The following TLN2 variants were observed in gnomAD, a reference collection of about 807,000 sequenced individuals.
TLN2 encodes the protein talin 2, also known as talin-2.
Under a neutral mutation model 294.7 loss-of-function variants are expected in TLN2, and 118 were observed. The observed-to-expected ratio is 0.40, with a 90% CI of 0.34 to 0.47. The LOEUF (loss-of-function observed/expected upper bound fraction) is 0.47, where lower values mean the gene tolerates loss of function less well. TLN2 is among the 20% of genes least tolerant of loss of function. The pLI, the probability that TLN2 is intolerant of heterozygous loss-of-function variation, is 0.84. For missense variants in TLN2, 3,083 were observed against 3,282.2 expected (o/e 0.94, Z 1.48); for synonymous variants, 1,431 against 1,304.5 (o/e 1.10, Z -2.09).
At chr15:62,788,080 A>G (rs1448271004) in intron 45 of TLN2, among the ~76,000 whole-genome samples, 1 of 149,636 alleles carries the variant, frequency 6.7e-6, no homozygotes, top group Non-Finnish European at 1.5e-5. Flanking sequence ...GGAGGCCGAG[A>G]TGAGTGGATC....
chr15:62,427,405 C>T (rs1372649042), intron 1 of TLN2, among the ~76,000 whole-genome samples: 1 of 152,002 alleles, frequency 6.6e-6, no homozygotes, highest in Non-Finnish European at 1.5e-5. Context: ...TGGTCTAGTC[C>T]CTATTCTGAG....
At chr15:62,538,055 C>T (rs924337411) in intron 1 of TLN2, among the ~76,000 whole-genome samples, 4 of 152,104 alleles carry the variant, frequency 2.6e-5, no homozygotes, top group African/African-American at 7.2e-5. Flanking sequence ...AACCCCATCT[C>T]TACTAAAAAT....
At chr15:62,767,343 TCTTTG>T (rs869178863) in intron 41 of TLN2, among the ~76,000 whole-genome samples, 5 of 66,524 alleles carry the variant, frequency 7.5e-5, no homozygotes, top group African/African-American at 2.4e-4. Flanking sequence ...TCTTTTCTTT[TCTTTG>T]TTTTTTTTTT....
chr15:62,759,550 A>G (rs1184398801), intron 37 of TLN2, among the ~76,000 whole-genome samples: 1 of 152,244 alleles, frequency 6.6e-6, no homozygotes, highest in African/African-American at 2.4e-5. Flanking sequence ...TTTAGTCTGA[A>G]GAAGTTCAGC....
intron 35 of TLN2, 51 bp downstream of exon 35, chr15:62,752,478 G>C: frequency 6.3e-7 from 1 of 1,595,876 alleles, no homozygotes; most frequent in East Asian, 2.3e-5. Flanking sequence ...GATCCCTGTG[G>C]GAGGTGTGGG....
chr15:62,397,542 G>T (rs967821762), intron 1 of TLN2, among the ~76,000 whole-genome samples: 4 of 152,118 alleles, frequency 2.6e-5, no homozygotes, highest in African/African-American at 9.7e-5. Context: ...GGGATTACAG[G>T]TGTGAGCCAC....
intron 1 of TLN2, among the ~76,000 whole-genome samples, chr15:62,500,919 C>G (rs2039271192): frequency 6.6e-6 from 1 of 152,234 alleles, no homozygotes; most frequent in Non-Finnish European, 1.5e-5. Flanking sequence ...CAGGCCCCAC[C>G]ACAGTCCCTG....
At chr15:62,605,121 G>C (rs2047324906) in intron 2 of TLN2, among the ~76,000 whole-genome samples, 1 of 152,194 alleles carries the variant, frequency 6.6e-6, no homozygotes, top group Non-Finnish European at 1.5e-5. Context: ...AAATGTCACT[G>C]CAGATTAATG....
At chr15:62,526,009 A>G (rs747080017) in intron 1 of TLN2, among the ~76,000 whole-genome samples, 1 of 152,196 alleles carries the variant, frequency 6.6e-6, no homozygotes, top group Non-Finnish European at 1.5e-5. Context: ...TGGGGCAGGA[A>G]GGGTGGCTTG....
intron 11 of TLN2, among the ~76,000 whole-genome samples, chr15:62,676,033 T>C (rs1400533117): frequency 6.6e-6 from 1 of 152,166 alleles, no homozygotes; most frequent in Non-Finnish European, 1.5e-5. Flanking sequence ...TGGAGAAAGC[T>C]CTAACTTATA....
In TLN2 at chr15:62,749,321, A is replaced by G. The variant is rs554348048; in HGVS notation, c.4119+877A>G. ...CGAAGCATTCTGAAAACAGTTGAGA[A>G]TGTTTCTTACATTGGCTGAATTACT... On this transcript the variant is annotated intron_variant, in intron 33 of 58. Transcript: ENST00000636159. Among the ~76,000 whole-genome samples the G allele has an allele frequency of 2.1e-3, 327 of 152,294 alleles. 1 individual carries two copies. The highest frequency in any genetic ancestry group is 2.8e-3 in the Non-Finnish European group (193 of 68,020).
At chr15:62,714,808 A>G (rs1482417842) in intron 22 of TLN2, among the ~76,000 whole-genome samples, 4 of 152,198 alleles carry the variant, frequency 2.6e-5, no homozygotes, top group African/African-American at 9.7e-5. Context: ...TCAGGCCAAA[A>G]TTAGTACCCC....
intron 46 of TLN2, 133 bp downstream of exon 46, chr15:62,792,920 C>G (rs996952984): frequency 1.4e-6 from 2 of 1,397,552 alleles, no homozygotes. Flanking sequence ...CCCGATCTTC[C>G]CCACTGCCCA....
At chr15:62,588,798 T>A (rs190312787) in intron 1 of TLN2, among the ~76,000 whole-genome samples, 222 of 148,958 alleles carry the variant, frequency 1.5e-3, no homozygotes, top group Non-Finnish European at 2.6e-3. Flanking sequence ...ATTTTTTTAA[T>A]CTAAAATTTT....
intron 2 of TLN2, 142 bp from the exon 3 acceptor site, chr15:62,618,209 T>C (rs555844886): frequency 1.3e-5 from 2 of 152,352 alleles, no homozygotes; most frequent in Admixed American, 1.3e-4. Flanking sequence ...ATTTGGAATT[T>C]AGTTTGAACA....
In TLN2 at chr15:62,723,163, A is replaced by G. The variant is rs180899945; in HGVS notation, c.3126+676A>G. Among the ~76,000 whole-genome samples the G allele has an allele frequency of 2.7e-3, 408 of 152,354 alleles. 1 individual carries two copies. Among genetic ancestry groups the G allele is most frequent in the African/African-American group, 9.7e-3 (403 of 41,584 alleles). On this transcript the variant is annotated intron_variant, in intron 26 of 58. Coordinates refer to ENST00000636159, the MANE Select transcript of TLN2 (RefSeq NM_015059.3). ...GAAACAAGCAGCCTCATAAATTGGTAAGAGAAGAAGGTAGAAGTTGACTGA... is the reference window on the plus strand; with the variant it reads ...GAAACAAGCAGCCTCATAAATTGGTGAGAGAAGAAGGTAGAAGTTGACTGA...
intron 1 of TLN2, among the ~76,000 whole-genome samples, chr15:62,586,555 A>G (rs148915689): frequency 5.7e-4 from 87 of 152,342 alleles, no homozygotes; most frequent in African/African-American, 2.0e-3. Context: ...AGAACAATAA[A>G]TTTGTTTGCT....
At chr15:62,535,934 G>T (rs1028019697) in intron 1 of TLN2, among the ~76,000 whole-genome samples, 2 of 152,096 alleles carry the variant, frequency 1.3e-5, no homozygotes, top group African/African-American at 4.8e-5. Flanking sequence ...TGACAAATGC[G>T]CAAAGTCTTG....
intron 48 of TLN2, among the ~76,000 whole-genome samples, chr15:62,799,243 C>T (rs908304816): frequency 3.3e-4 from 50 of 152,114 alleles, no homozygotes; most frequent in Non-Finnish European, 6.6e-4. Context: ...GTTGTGGTTC[C>T]CACTCGAAAA....
Sources: allele counts gnomAD v4.1 joint callset (sites outside exome capture counted in the v4.1 genomes callset), GRCh38; gene constraint gnomAD v4.1.1; transcripts MANE v1.5; gene names NCBI Gene and HGNC (gene_info 2026-07-23, HGNC 2026-07-21).